GNAQ: variants seen among roughly 807,000 people sequenced by gnomAD.
GNAQ encodes G protein subunit alpha q.
Under a neutral mutation model 43.9 loss-of-function variants are expected in GNAQ, and 8 were observed. The observed-to-expected ratio is 0.18, with a 90% CI of 0.11 to 0.33. The LOEUF is 0.33. Among genes scored for constraint, GNAQ ranks in the 10% least tolerant of loss-of-function variants. The probability of loss-of-function intolerance (pLI) is 1.00; values close to 1 mark genes in which losing one functional copy is unlikely to be tolerated. For synonymous variants in GNAQ, 155 were observed against 170.7 expected, an observed-to-expected ratio of 0.91 and a Z score of 0.71; for missense variants, 158 against 450.8, an observed-to-expected ratio of 0.35 and a Z score of 5.88.
At chr9:78,023,843 T>C (rs1289280693) in intron 1 of GNAQ, among the ~76,000 whole-genome samples, 1 of 150,004 alleles carries the variant, frequency 6.7e-6, no homozygotes, top group African/African-American at 2.5e-5. Flanking sequence ...AACATCACTG[T>C]TCGCTTCCGG....
At chr9:77,974,796 A>G (rs1823278276) in intron 1 of GNAQ, among the ~76,000 whole-genome samples, 1 of 152,242 alleles carries the variant, frequency 6.6e-6, no homozygotes, top group South Asian at 2.1e-4. Flanking sequence ...AATTAATACA[A>G]ACTGCAAAGC....
In GNAQ at chr9:78,002,925, C is replaced by A. The variant is rs894209741; in HGVS notation, c.136+28175G>T. On this transcript the variant is annotated intron_variant, in intron 1 of 6. Transcript: ENST00000286548. ...GTCTACCATAGCATCTAGTACAGAA[C>A]GAGATACACAGGAGGTCTCAAACAA... is the stretch of plus-strand genomic sequence containing the variant. Among the ~76,000 whole-genome samples the A allele has an allele frequency of 1.3e-5, 2 of 151,922 alleles. 1 individual carries two copies. Among genetic ancestry groups the A allele is most frequent in the Non-Finnish European group, 2.9e-5 (2 of 67,998 alleles).
intron 1 of GNAQ, among the ~76,000 whole-genome samples, chr9:77,968,277 G>C (rs1823194446): frequency 6.6e-6 from 1 of 152,108 alleles, no homozygotes; most frequent in Non-Finnish European, 1.5e-5. Flanking sequence ...GATGTTGTCT[G>C]CTTAGAATAA....
In GNAQ at chr9:77,973,461, T is replaced by A. The variant is rs114874638; in HGVS notation, c.137-51116A>T. ...TGCTGTCAGCAGAAGGAGCAGAAAT[T>A]CATTAGGAAGAGTTCACAACCACAC... is the stretch of plus-strand genomic sequence containing the variant. On this transcript the variant is annotated intron_variant, in intron 1 of 6. Coordinates refer to ENST00000286548, the MANE Select transcript of GNAQ (RefSeq NM_002072.5). Among the ~76,000 whole-genome samples, 792 of 152,262 alleles carry A rather than the reference T, an allele frequency of 5.2e-3. 9 individuals carry two copies. Among genetic ancestry groups the A allele is most frequent in the African/African-American group, 0.018 (753 of 41,554 alleles).
chr9:77,860,038 T>A (rs1827819070), intron 2 of GNAQ, among the ~76,000 whole-genome samples: 1 of 152,194 alleles, frequency 6.6e-6, no homozygotes, highest in Non-Finnish European at 1.5e-5. Flanking sequence ...TGATTCAGTG[T>A]GTTTCATGCA....
intron 2 of GNAQ, among the ~76,000 whole-genome samples, chr9:77,896,348 C>T (rs1261709682): frequency 6.6e-6 from 1 of 152,248 alleles, no homozygotes; most frequent in East Asian, 1.9e-4. Flanking sequence ...AAATAAACTC[C>T]CATAAACCTT....
intron 1 of GNAQ, among the ~76,000 whole-genome samples, chr9:78,012,260 C>T (rs1179252569): frequency 1.5e-5 from 2 of 133,000 alleles, no homozygotes; most frequent in East Asian, 2.2e-4. Context: ...TTTTTTGAGA[C>T]GGAGTCTCAC....
At chr9:77,980,198 C>A (rs1256275575) in intron 1 of GNAQ, among the ~76,000 whole-genome samples, 1 of 152,126 alleles carries the variant, frequency 6.6e-6, no homozygotes. Context: ...AATACCACCT[C>A]CTCTGCAGGG....
intron 5 of GNAQ, among the ~76,000 whole-genome samples, chr9:77,789,158 T>G (rs768536809): frequency 2.0e-5 from 3 of 152,180 alleles, no homozygotes; most frequent in Non-Finnish European, 4.4e-5. Context: ...CTTACTGTCC[T>G]TTCATCCAGA....
At chr9:77,745,893 T>TA (rs1434834700) in intron 5 of GNAQ, among the ~76,000 whole-genome samples, 7 of 151,936 alleles carry the variant, frequency 4.6e-5, no homozygotes, top group African/African-American at 1.7e-4. Context: ...ATCTCTAGGT[T>TA]AAAGGGCCCC....
intron 3 of GNAQ, among the ~76,000 whole-genome samples, chr9:77,802,086 G>A (rs572386225): frequency 6.6e-6 from 1 of 152,266 alleles, no homozygotes; most frequent in South Asian, 2.1e-4. Context: ...AGAATCGCTT[G>A]AACCTGGCAG....
At chr9:77,914,911 T>C (rs1234444323) in intron 2 of GNAQ, among the ~76,000 whole-genome samples, 2 of 152,026 alleles carry the variant, frequency 1.3e-5, no homozygotes, top group African/African-American at 2.4e-5. Context: ...AAAATCTCTA[T>C]TGGGCTGGAG....
At chr9:77,937,246 C>T (rs932251313) in intron 1 of GNAQ, among the ~76,000 whole-genome samples, 2 of 152,004 alleles carry the variant, frequency 1.3e-5, no homozygotes, top group South Asian at 4.1e-4. Flanking sequence ...TCGACACCAG[C>T]CTGGCCAACA....
intron 1 of GNAQ, among the ~76,000 whole-genome samples, chr9:77,952,350 T>C (rs907772591): frequency 5.7e-4 from 82 of 144,366 alleles, no homozygotes; most frequent in Non-Finnish European, 9.1e-4. Flanking sequence ...CTTGCGTATG[T>C]TGAATCCATA....
At chr9:77,928,030 T>C (rs984284173) in intron 1 of GNAQ, among the ~76,000 whole-genome samples, 3 of 152,186 alleles carry the variant, frequency 2.0e-5, no homozygotes, top group East Asian at 1.9e-4. Context: ...TTGGATGAAG[T>C]AGAACTAGAA....
At chr9:77,896,296 C>T (rs778549654) in intron 2 of GNAQ, among the ~76,000 whole-genome samples, 1 of 152,090 alleles carries the variant, frequency 6.6e-6, no homozygotes, top group Non-Finnish European at 1.5e-5. Flanking sequence ...AAACACTCAC[C>T]AGGAATAATT....
chr9:78,003,998 C>T (rs1197297709), intron 1 of GNAQ, among the ~76,000 whole-genome samples: 3 of 152,056 alleles, frequency 2.0e-5, no homozygotes, highest in Non-Finnish European at 4.4e-5. Flanking sequence ...AGGGATCTGA[C>T]AGGTTGCTAT....
chr9:77,886,101 T>A (rs1828301272), intron 2 of GNAQ, among the ~76,000 whole-genome samples: 1 of 152,080 alleles, frequency 6.6e-6, no homozygotes, highest in Admixed American at 6.6e-5. Context: ...CTCAGCCTCC[T>A]GAGTAGCTGG....
intron 3 of GNAQ, among the ~76,000 whole-genome samples, chr9:77,811,588 T>C (rs1286411512): frequency 1.3e-5 from 2 of 152,230 alleles, no homozygotes; most frequent in African/African-American, 4.8e-5. Context: ...CTGGAGCATC[T>C]GCAGTGATTA....
Sources: allele counts gnomAD v4.1 joint callset (sites outside exome capture counted in the v4.1 genomes callset), GRCh38; gene constraint gnomAD v4.1.1; transcripts MANE v1.5; gene names NCBI Gene and HGNC (gene_info 2026-07-23, HGNC 2026-07-21).